The following NRG3 variants were observed in gnomAD, a reference collection of about 807,000 sequenced individuals.
The protein encoded by NRG3 is pro-neuregulin-3, membrane-bound isoform.
In NRG3, 31 loss-of-function variants were observed where a neutral mutation model predicts 66.9. The observed-to-expected ratio is 0.46, with a 90% CI of 0.35 to 0.63. The LOEUF is 0.63. Among genes scored for constraint, NRG3 ranks in the 20% least tolerant of loss-of-function variants. The probability of loss-of-function intolerance (pLI) is 0.00; values close to 1 mark genes in which losing one functional copy is unlikely to be tolerated. For missense variants in NRG3, 910 were observed against 878.9 expected (o/e 1.04, Z -0.45); for synonymous variants, 393 against 359.4 (o/e 1.09, Z -1.06).
At chr10:82,887,998 AC>A (rs1461169496) in intron 4 of NRG3, among the ~76,000 whole-genome samples, 3 of 152,186 alleles carry the variant, frequency 2.0e-5, no homozygotes, top group Non-Finnish European at 2.9e-5. Flanking sequence ...TATTTAAATA[AC>A]CATTTAATTT....
chr10:82,290,219 A>G (rs1211805469), intron 1 of NRG3, among the ~76,000 whole-genome samples: 1 of 152,154 alleles, frequency 6.6e-6, no homozygotes, highest in Non-Finnish European at 1.5e-5. Flanking sequence ...ATAAGTCGTT[A>G]TTGGTCAGCC....
intron 2 of NRG3, among the ~76,000 whole-genome samples, chr10:82,360,764 G>T (rs1206791119): frequency 6.6e-6 from 1 of 151,850 alleles, no homozygotes; most frequent in Non-Finnish European, 1.5e-5. Flanking sequence ...TCCTTTTGAG[G>T]CCTCCCTCCT....
chr10:82,481,959 G>T (rs924444671), intron 2 of NRG3, among the ~76,000 whole-genome samples: 1 of 152,094 alleles, frequency 6.6e-6, no homozygotes, highest in South Asian at 2.1e-4. Flanking sequence ...TGCACTTCAG[G>T]CTGGGCAGTA....
chr10:82,129,275 T>A (rs932358997), intron 1 of NRG3, among the ~76,000 whole-genome samples: 1 of 149,774 alleles, frequency 6.7e-6, no homozygotes, highest in African/African-American at 2.4e-5. Context: ...ACCACAATAC[T>A]ACATTGTCAG....
At chr10:82,664,745 C>G (rs996323772) in intron 2 of NRG3, among the ~76,000 whole-genome samples, 3 of 152,024 alleles carry the variant, frequency 2.0e-5, no homozygotes, top group Admixed American at 2.0e-4. Context: ...GCAATAGTCT[C>G]TGGGGTCGCT....
intron 2 of NRG3, among the ~76,000 whole-genome samples, chr10:82,365,547 C>T (rs946004458): frequency 5.3e-5 from 8 of 152,130 alleles, no homozygotes; most frequent in Non-Finnish European, 1.0e-4. Context: ...TCATGATAGT[C>T]TTAGAAACTC....
chr10:82,964,855 C>T (rs925770568), intron 6 of NRG3, among the ~76,000 whole-genome samples: 3 of 152,210 alleles, frequency 2.0e-5, no homozygotes, highest in African/African-American at 4.8e-5. Context: ...CCTTCTGACT[C>T]CTGCTGTGTG....
intron 1 of NRG3, among the ~76,000 whole-genome samples, chr10:82,131,923 T>G (rs2068851410): frequency 6.6e-6 from 1 of 152,122 alleles, no homozygotes; most frequent in Non-Finnish European, 1.5e-5. Flanking sequence ...TCAGTAGTAA[T>G]AGTTTTTTTG....
chr10:82,588,028 G>C (rs962643869), intron 2 of NRG3, among the ~76,000 whole-genome samples: 1 of 152,050 alleles, frequency 6.6e-6, no homozygotes, highest in African/African-American at 2.4e-5. Context: ...AATTAATTTA[G>C]CTTCCCTTGG....
At chr10:82,012,673 T>C (rs1196207284) in intron 1 of NRG3, among the ~76,000 whole-genome samples, 1 of 152,228 alleles carries the variant, frequency 6.6e-6, no homozygotes, top group Non-Finnish European at 1.5e-5. Flanking sequence ...AATGCTTTCC[T>C]GCTTAGAAAT....
chr10:82,095,755 T>A (rs146243852), intron 1 of NRG3, among the ~76,000 whole-genome samples: 164 of 152,300 alleles, frequency 1.1e-3, no homozygotes, highest in African/African-American at 3.8e-3. Context: ...CACTCTTCCC[T>A]CTCTGGGAAT....
chr10:81,971,357 C>G (rs983110016), intron 1 of NRG3, among the ~76,000 whole-genome samples: 1 of 151,914 alleles, frequency 6.6e-6, no homozygotes, highest in African/African-American at 2.4e-5. Flanking sequence ...AAGGTGAGGA[C>G]GAATTTCTAA....
chr10:82,760,594 AG>A (rs1365005190), intron 3 of NRG3, among the ~76,000 whole-genome samples: 4 of 152,140 alleles, frequency 2.6e-5, no homozygotes, highest in East Asian at 1.9e-4. Context: ...TAACAGAATA[AG>A]AAAAAAGAGA....
At chr10:82,785,645 T>C (rs999596772) in intron 3 of NRG3, among the ~76,000 whole-genome samples, 20 of 152,272 alleles carry the variant, frequency 1.3e-4, no homozygotes, top group African/African-American at 4.6e-4. Context: ...AGGGATGAAC[T>C]AGGACATCTG....
chr10:82,641,520 G>T (rs565743917), intron 2 of NRG3, among the ~76,000 whole-genome samples: 1 of 152,192 alleles, frequency 6.6e-6, no homozygotes, highest in Admixed American at 6.5e-5. Flanking sequence ...CTAATCCTAG[G>T]TCTGGTGTAT....
intron 2 of NRG3, among the ~76,000 whole-genome samples, chr10:82,391,993 C>CAAAAAAAAAAAAAAAA (rs775895969): frequency 2.6e-5 from 1 of 38,866 alleles, no homozygotes; most frequent in Non-Finnish European, 4.9e-5. Flanking sequence ...CGAGCACATG[C>CAAAAAAAAAAAAAAAA]AAAAAAAAAA....
chr10:82,188,577 A>ATTCTGGT (rs1241244195), intron 1 of NRG3, among the ~76,000 whole-genome samples: 75 of 152,332 alleles, frequency 4.9e-4, no homozygotes, highest in African/African-American at 1.3e-3. Context: ...TAACCAGAAT[A>ATTCTGGT]TATAAGGAGC....
In NRG3 at chr10:82,677,734, G is replaced by C. The variant is rs535028883; in HGVS notation, c.954-60843G>C. Among the ~76,000 whole-genome samples, 30 of 152,266 alleles carry C rather than the reference G, an allele frequency of 2.0e-4. 1 individual carries two copies. The Middle Eastern group carries it at 0.024, about 121-fold the overall frequency. ...GAGTGAGAGACTGAGGCAGGTTTTA[G>C]AGCAGGAATAAAAGTTTATTAAAAA... On this transcript the variant is annotated intron_variant, in intron 2 of 8. Transcript: ENST00000372141.
intron 1 of NRG3, among the ~76,000 whole-genome samples, chr10:82,298,021 G>T (rs2080172414): frequency 6.6e-6 from 1 of 152,206 alleles, no homozygotes; most frequent in Admixed American, 6.5e-5. Flanking sequence ...GCATGTGCTT[G>T]TAGTCCCAAC....
Sources: gnomAD v4.1 joint callset for allele counts (sites outside exome capture counted in the v4.1 genomes callset) on GRCh38, gnomAD v4.1.1 for gene constraint, MANE v1.5 for transcripts, NCBI Gene and HGNC (gene_info 2026-07-23, HGNC 2026-07-21) for gene names.